Variants in TAFA2 observed in about 807,000 individuals in gnomAD.
TAFA2 encodes chemokine-like protein TAFA-2.
In TAFA2, 7 loss-of-function variants were observed where a neutral mutation model predicts 18.8. The observed-to-expected ratio is 0.37, with a 90% CI of 0.21 to 0.70. TAFA2 has a LOEUF of 0.70. Among genes scored for constraint, TAFA2 ranks in the 30% least tolerant of loss-of-function variants. The pLI, the probability that TAFA2 is intolerant of heterozygous loss-of-function variation, is 0.53. For synonymous variants in TAFA2, 60 were observed against 54.2 expected (o/e 1.11, Z -0.47); for missense variants, 122 against 158.1 (o/e 0.77, Z 1.23).
At chr12:61,960,065 G>C (rs1327176024) in intron 1 of TAFA2, among the ~76,000 whole-genome samples, 1 of 151,918 alleles carries the variant, frequency 6.6e-6, no homozygotes, top group Non-Finnish European at 1.5e-5. Flanking sequence ...TCAAAGAATA[G>C]CATGGCTGGT....
At chr12:61,837,138 T>C (rs574044599) in intron 2 of TAFA2, among the ~76,000 whole-genome samples, 18 of 151,984 alleles carry the variant, frequency 1.2e-4, no homozygotes, top group Non-Finnish European at 2.2e-4. Flanking sequence ...TCTAAACTTG[T>C]CTATGTCTTG....
intron 1 of TAFA2, among the ~76,000 whole-genome samples, chr12:62,225,653 G>C (rs2062783021): frequency 1.3e-5 from 2 of 152,008 alleles, no homozygotes; most frequent in East Asian, 1.9e-4. Flanking sequence ...AAAAAAAATG[G>C]AAAACAGAGA....
chr12:61,928,854 T>A (rs1020364214), intron 1 of TAFA2, among the ~76,000 whole-genome samples: 10 of 151,902 alleles, frequency 6.6e-5, no homozygotes, highest in African/African-American at 2.4e-4. Flanking sequence ...ATGAGTCTGT[T>A]GCAGGGACAT....
At chr12:62,233,999 C>G (rs1191851576) in intron 1 of TAFA2, among the ~76,000 whole-genome samples, 5 of 152,216 alleles carry the variant, frequency 3.3e-5, no homozygotes, top group Admixed American at 1.3e-4. Context: ...CTTGGCAGCA[C>G]TGGGCACATT....
intron 1 of TAFA2, among the ~76,000 whole-genome samples, chr12:62,080,321 T>C (rs1167592279): frequency 6.6e-6 from 1 of 152,246 alleles, no homozygotes; most frequent in Non-Finnish European, 1.5e-5. Flanking sequence ...AAGGATGTTT[T>C]TCTTGTCTTA....
At chr12:61,788,532 T>TA (rs1244752114) in intron 2 of TAFA2, among the ~76,000 whole-genome samples, 1 of 151,356 alleles carries the variant, frequency 6.6e-6, no homozygotes, top group African/African-American at 2.4e-5. Flanking sequence ...AGTATAAAGC[T>TA]AAAAAAGGAA....
intron 1 of TAFA2, chr12:62,234,278 T>C (rs2062825453): frequency 2.5e-6 from 1 of 400,106 alleles, no homozygotes; most frequent in Non-Finnish European, 4.8e-6. Context: ...CTCAGTATTG[T>C]AGGCTCAAAA....
intron 2 of TAFA2, among the ~76,000 whole-genome samples, chr12:61,859,184 G>T (rs540532415): frequency 2.6e-4 from 39 of 152,308 alleles, no homozygotes; most frequent in African/African-American, 9.1e-4. Flanking sequence ...AGAGAAGCAG[G>T]CACCTTCTTC....
chr12:62,127,690 C>G (rs1870521122), intron 1 of TAFA2, among the ~76,000 whole-genome samples: 1 of 151,904 alleles, frequency 6.6e-6, no homozygotes, highest in Non-Finnish European at 1.5e-5. Flanking sequence ...CCAGTGCTCC[C>G]AAGTCAAAAT....
chr12:62,062,459 T>C (rs927345229), intron 1 of TAFA2, among the ~76,000 whole-genome samples: 7 of 152,092 alleles, frequency 4.6e-5, no homozygotes, highest in Non-Finnish European at 1.0e-4. Context: ...AGGCTACTCA[T>C]TGAGTCAGTA....
intron 1 of TAFA2, among the ~76,000 whole-genome samples, chr12:61,982,705 G>C (rs976510560): frequency 1.4e-4 from 21 of 151,794 alleles, no homozygotes; most frequent in African/African-American, 4.8e-4. Context: ...AAAATATATG[G>C]ATAAGAGAGA....
chr12:62,212,814 A>G (rs1339467033), intron 1 of TAFA2, among the ~76,000 whole-genome samples: 1 of 152,234 alleles, frequency 6.6e-6, no homozygotes, highest in Non-Finnish European at 1.5e-5. Context: ...CTGATACAAC[A>G]GATTTCTTAA....
At chr12:61,962,589 A>G (rs975341015) in intron 1 of TAFA2, among the ~76,000 whole-genome samples, 2 of 151,970 alleles carry the variant, frequency 1.3e-5, no homozygotes, top group Non-Finnish European at 2.9e-5. Flanking sequence ...TTTCTTTTCA[A>G]ATTCAAAAAG....
rs191730792 is a variant in TAFA2 at position 61,743,560 on chromosome 12, C to T, written c.384+10062G>A. 1.8e-3 allele frequency among the ~76,000 whole-genome samples: 273 copies of T among 152,150 alleles called. 1 individual carries two copies. The highest frequency in any genetic ancestry group is 6.1e-3 in the African/African-American group (254 of 41,516). On this transcript the variant is annotated intron_variant, in intron 4 of 4. Transcript: ENST00000416284. ...AGTTGGTATCCAGGACTTTCTTGAC[C>T]ACATCCAGATGAGGTCTGATCACTC...
In TAFA2 at chr12:62,188,160, T is replaced by C. The variant is rs1432977960; in HGVS notation, c.-2+3099A>G. Among the ~76,000 whole-genome samples, 4 of 152,308 alleles carry C rather than the reference T, an allele frequency of 2.6e-5. No individual in the cohort carries two copies. In the South Asian group the frequency reaches 8.3e-4, roughly 32 times the overall value. On this transcript the variant is annotated intron_variant, in intron 1 of 4. Transcript: ENST00000416284. ...GCCCTACTAATAACAGGTTGATGAA[T>C]TGCATTTGCAAATGTCAGGCATAGA...
intron 1 of TAFA2, among the ~76,000 whole-genome samples, chr12:62,087,221 T>A (rs1246402257): frequency 6.6e-6 from 1 of 152,062 alleles, no homozygotes; most frequent in African/African-American, 2.4e-5. Context: ...AGATGGATAG[T>A]CATGATGGTT....
chr12:61,840,443 C>A (rs1358775748), intron 2 of TAFA2, among the ~76,000 whole-genome samples: 1 of 151,996 alleles, frequency 6.6e-6, no homozygotes, highest in African/African-American at 2.4e-5. Flanking sequence ...TGTTATAAGG[C>A]AGCTTATATA....
At chr12:61,779,920 C>T (rs530763936) in intron 2 of TAFA2, among the ~76,000 whole-genome samples, 20 of 151,814 alleles carry the variant, frequency 1.3e-4, no homozygotes, top group Non-Finnish European at 2.5e-4. Flanking sequence ...AATATAATAT[C>T]TCTATTAATG....
intron 1 of TAFA2, among the ~76,000 whole-genome samples, chr12:61,872,179 G>T (rs914667112): frequency 6.6e-6 from 1 of 152,104 alleles, no homozygotes; most frequent in Non-Finnish European, 1.5e-5. Context: ...AGGAAAAAGG[G>T]GGGGAATAAA....
Sources: allele counts gnomAD v4.1 joint callset (sites outside exome capture counted in the v4.1 genomes callset), GRCh38; gene constraint gnomAD v4.1.1; transcripts MANE v1.5; gene names NCBI Gene and HGNC (gene_info 2026-07-23, HGNC 2026-07-21).